The following RPAIN variants were observed in gnomAD, a reference collection of about 807,000 sequenced individuals.
RPAIN encodes RPA-interacting protein.
RPAIN carries 29 observed loss-of-function variants against 30.5 expected under a neutral mutation model. The ratio of observed to expected loss-of-function variants is 0.95; its 90% CI spans 0.71 to 1.30. RPAIN has a LOEUF of 1.30. Among genes scored for constraint, RPAIN ranks in the 50% most tolerant of loss-of-function variants. RPAIN has a pLI of 0.00. For synonymous variants in RPAIN, 101 were observed against 93.5 expected (o/e 1.08, Z -0.46); for missense variants, 247 against 264.7 (o/e 0.93, Z 0.46).
intron 6 of RPAIN, chr17:5,428,503 G>C: frequency 7.2e-7 from 1 of 1,391,342 alleles, no homozygotes; most frequent in Non-Finnish European, 9.3e-7. Flanking sequence ...GGATTCAGCT[G>C]GTCATTTCAT....
intron 5 of RPAIN, 169 bp from the exon 6 acceptor site, chr17:5,427,902 G>A (rs1472680632): frequency 1.5e-6 from 1 of 681,544 alleles, no homozygotes; most frequent in Non-Finnish European, 2.6e-6. Flanking sequence ...GTTAAATGGA[G>A]ATGGGTTAAG....
At chr17:5,428,299 A>G in intron 6 of RPAIN, 88 bp downstream of exon 6, 1 of 1,598,140 alleles carries the variant, frequency 6.3e-7, no homozygotes, top group Non-Finnish European at 8.5e-7. Flanking sequence ...ACCTATAAAC[A>G]GGTAAATGTT....
intron 6 of RPAIN, chr17:5,429,874 T>C (rs1322729213): frequency 1.3e-6 from 1 of 778,148 alleles, no homozygotes; most frequent in South Asian, 5.8e-5. Context: ...TCACAAGGAA[T>C]TGGCCAGTCT....
intron 6 of RPAIN, chr17:5,432,179 GGA>G: frequency 4.5e-6 from 1 of 223,280 alleles, no homozygotes; most frequent in South Asian, 8.7e-5. Flanking sequence ...GTGTAGATTT[GGA>G]GTCTCATCTT....
At chr17:5,430,170 A>T (rs1915768639) in intron 6 of RPAIN, 1 of 150,696 alleles carries the variant, frequency 6.6e-6, no homozygotes, top group South Asian at 2.1e-4. Context: ...TCTGTCTCAA[A>T]AACAGAATTG....
chr17:5,432,871 C>A lies in RPAIN; in HGVS notation c.*300C>A. 1 of 1,037,814 alleles carries A rather than the reference C, an allele frequency of 9.6e-7. No homozygotes were observed. Among genetic ancestry groups the A allele is most frequent in the Non-Finnish European group, 1.3e-6 (1 of 743,698 alleles). 64.3% of individuals were successfully genotyped at this position (1,037,814 alleles called of 1,614,324 possible). A position where few individuals can be genotyped will look rare whatever the true frequency, so the allele number is the denominator to read the frequency against. ...AAAAAAATGATAATAAATGAGAACA[C>A]AAAACATATAATTTAAATTTGGTAT... On this transcript the variant is annotated 3_prime_UTR_variant, in exon 7 of 7. Transcript: ENST00000381209.
chr17:5,428,481 A>G (rs1170863962), intron 6 of RPAIN: 1 of 1,418,442 alleles, frequency 7.0e-7, no homozygotes, highest in Non-Finnish European at 9.2e-7. Flanking sequence ...TTTGATCAGT[A>G]GTAGTGGTTT....
At chr17:5,425,493 C>G (rs958695388) in intron 3 of RPAIN, 2 of 366,986 alleles carry the variant, frequency 5.4e-6, no homozygotes, top group Non-Finnish European at 1.1e-5. Flanking sequence ...GCGCCACATG[C>G]CTGGCTAATT....
intron 3 of RPAIN, chr17:5,423,176 A>G (rs187851660): frequency 5.1e-4 from 93 of 182,170 alleles, no homozygotes; most frequent in Non-Finnish European, 7.1e-4. Context: ...GTATGAATCC[A>G]GTTCCCATGT....
intron 6 of RPAIN, chr17:5,431,586 T>C (rs1213685263): frequency 4.4e-6 from 2 of 456,024 alleles, no homozygotes; most frequent in Non-Finnish European, 8.8e-6. Context: ...CTAGTTCCAC[T>C]AGACCTTTGG....
Position 5,432,647 on chromosome 17 carries a change from C to T in RPAIN, c.*76C>T. ...TCTGAGGAGCCTTGTACATACAAGC[C>T]TTTTATTTATAACTTATTTTGTATT... On this transcript the variant is annotated 3_prime_UTR_variant, in exon 7 of 7. Coordinates refer to ENST00000381209, the MANE Select transcript of RPAIN (RefSeq NM_001033002.4). The T allele has an allele frequency of 6.1e-6, 8 of 1,321,486 alleles. No individual in the cohort carries two copies. The highest frequency in any genetic ancestry group is 8.6e-6 in the Non-Finnish European group (8 of 930,770). 81.9% of individuals were successfully genotyped at this position (1,321,486 alleles called of 1,614,324 possible). A position where few individuals can be genotyped will look rare whatever the true frequency, so the allele number is the denominator to read the frequency against.
At chr17:5,431,609 G>T (rs770962183) in intron 6 of RPAIN, 2 of 456,650 alleles carry the variant, frequency 4.4e-6, no homozygotes, top group Non-Finnish European at 8.8e-6. Context: ...TTCACTTAAG[G>T]GGGAATCAAG....
chr17:5,428,341 G>A (rs1324659496), intron 6 of RPAIN, 130 bp downstream of exon 6: 5 of 1,540,806 alleles, frequency 3.2e-6, no homozygotes, highest in Non-Finnish European at 4.4e-6. Context: ...GAATTTACCT[G>A]CATAGAAAAG....
intron 6 of RPAIN, 40 bp from the exon 7 acceptor site, chr17:5,432,501 AG>A: frequency 1.3e-6 from 2 of 1,578,028 alleles, no homozygotes; most frequent in Non-Finnish European, 1.7e-6. Flanking sequence ...TTTCATGACT[AG>A]AATACAATTT....
At chr17:5,424,851 C>T (rs1915227063) in intron 3 of RPAIN, among the ~76,000 whole-genome samples, 1 of 152,168 alleles carries the variant, frequency 6.6e-6, no homozygotes, top group Non-Finnish European at 1.5e-5. Flanking sequence ...TTGATTTTCC[C>T]TTCCCCCACC....
chr17:5,422,855 T>C, intron 3 of RPAIN, 26 bp downstream of exon 3: 1 of 1,553,738 alleles, frequency 6.4e-7, no homozygotes, highest in Non-Finnish European at 8.9e-7. Context: ...AGTCCTTCCT[T>C]ACCTGTATTT....
At chr17:5,431,804 CAG>C (rs1915983900) in intron 6 of RPAIN, 7 of 366,464 alleles carry the variant, frequency 1.9e-5, no homozygotes, top group South Asian at 1.2e-4. Flanking sequence ...CGCCTATTAG[CAG>C]AGTTACAGTG....
chr17:5,428,753 A>G lies in RPAIN; in HGVS notation c.630+542A>G, dbSNP rs944084031. On this transcript the variant is annotated intron_variant, in intron 6 of 6. Coordinates refer to ENST00000381209, the MANE Select transcript of RPAIN (RefSeq NM_001033002.4). ...ATCTCTTATAATCCATGTCCTTTCC[A>G]TATATGTGTATGTATGTATGTACAT... 5.2e-5 allele frequency: 53 copies of G among 1,011,716 alleles called. 3 individuals are homozygous for G. In the Middle Eastern group the frequency reaches 3.0e-3, roughly 57 times the overall value. The allele number at this position is 1,011,716 out of a possible 1,614,324, so 62.7% of individuals were successfully genotyped here. A position where few individuals can be genotyped will look rare whatever the true frequency, so the allele number is the denominator to read the frequency against.
intron 2 of RPAIN, chr17:5,421,794 C>T (rs1252002243): frequency 6.5e-5 from 11 of 169,810 alleles, no homozygotes; most frequent in Admixed American, 3.1e-4. Flanking sequence ...CCCTCTCTCT[C>T]GCTCTTTTTT....
Sources: gnomAD v4.1 joint callset for allele counts (sites outside exome capture counted in the v4.1 genomes callset) on GRCh38, gnomAD v4.1.1 for gene constraint, MANE v1.5 for transcripts, NCBI Gene and HGNC (gene_info 2026-07-23, HGNC 2026-07-21) for gene names.